Variants in TPRG1 observed in about 807,000 individuals in gnomAD.
TPRG1 encodes the protein tumor protein p63-regulated gene 1 protein.
Under a neutral mutation model 29.3 loss-of-function variants are expected in TPRG1, and 29 were observed. The observed-to-expected ratio is 0.99, with a 90% CI of 0.74 to 1.35. The LOEUF (loss-of-function observed/expected upper bound fraction) is 1.35. Among genes scored for constraint, TPRG1 ranks in the 40% most tolerant of loss-of-function variants. TPRG1 has a pLI of 0.00. For synonymous variants in TPRG1, 130 were observed against 116.8 expected (o/e 1.11, Z -0.73); for missense variants, 327 against 335.0 (o/e 0.98, Z 0.19).
chr3:189,165,102 A>G (rs1328869449), intron 5 of TPRG1, among the ~76,000 whole-genome samples: 1 of 152,198 alleles, frequency 6.6e-6, no homozygotes, highest in Non-Finnish European at 1.5e-5. Context: ...GCAAGAGTAC[A>G]GATATCCAGC....
chr3:189,119,276 T>C (rs941860516), intron 1 of TPRG1, among the ~76,000 whole-genome samples: 1 of 152,210 alleles, frequency 6.6e-6, no homozygotes, highest in Non-Finnish European at 1.5e-5. Flanking sequence ...AGAATGGGTG[T>C]ATTTACCCAA....
chr3:189,070,010 G>A (rs191868409), intron 4 of TPRG1, among the ~76,000 whole-genome samples: 1 of 152,264 alleles, frequency 6.6e-6, no homozygotes, highest in East Asian at 1.9e-4. Context: ...GAACCTGGGA[G>A]GTGGAGGTTG....
Position 189,309,797 on chromosome 3 carries a change from T to C in TPRG1, c.480-589T>C, listed in dbSNP as rs73058119. On this transcript the variant is annotated intron_variant, in intron 4 of 5. Coordinates refer to ENST00000345063, the MANE Select transcript of TPRG1 (RefSeq NM_198485.4). ...TAACAGGAGGGGCAGGCACAGTCTT[T>C]CTACAAGCTTTGACATGTTTGTTGC... is the stretch of plus-strand genomic sequence containing the variant. 970 of 152,390 alleles carry C rather than the reference T, an allele frequency of 6.4e-3. 14 individuals are homozygous for C. Among genetic ancestry groups the C allele is most frequent in the African/African-American group, 0.023 (945 of 41,552 alleles). The allele number at this position is 152,390 out of a possible 1,614,324, so 9.4% of individuals were successfully genotyped here. A position where few individuals can be genotyped will look rare whatever the true frequency, so the allele number is the denominator to read the frequency against.
At chr3:189,146,469 ATGT>A (rs1725278809) in intron 3 of TPRG1, among the ~76,000 whole-genome samples, 1 of 152,186 alleles carries the variant, frequency 6.6e-6, no homozygotes, top group Admixed American at 6.5e-5. Context: ...AAAAAAACAA[ATGT>A]TGTTGGGAGT....
chr3:189,076,382 T>G (rs901744231), intron 4 of TPRG1, among the ~76,000 whole-genome samples: 1 of 152,200 alleles, frequency 6.6e-6, no homozygotes, highest in African/African-American at 2.4e-5. Context: ...TCTAAAACAT[T>G]AAGTGGTTTG....
At chr3:189,003,913 T>G (rs1181874464) in intron 2 of TPRG1, among the ~76,000 whole-genome samples, 5 of 152,124 alleles carry the variant, frequency 3.3e-5, no homozygotes, top group African/African-American at 1.2e-4. Flanking sequence ...TTGGGGGTAG[T>G]GGGGGATTTA....
intron 4 of TPRG1, among the ~76,000 whole-genome samples, chr3:189,298,390 T>G (rs1357385710): frequency 6.6e-6 from 1 of 152,198 alleles, no homozygotes; most frequent in African/African-American, 2.4e-5. Context: ...TAGGTAACAG[T>G]CTTGCACTAG....
intron 1 of TPRG1, among the ~76,000 whole-genome samples, chr3:189,104,333 C>A (rs1719561596): frequency 6.6e-6 from 1 of 152,024 alleles, no homozygotes; most frequent in Admixed American, 6.6e-5. Flanking sequence ...GTAAATGCAA[C>A]CTAAATATCC....
At chr3:189,108,270 G>T (rs1416235256) in intron 1 of TPRG1, among the ~76,000 whole-genome samples, 1 of 152,140 alleles carries the variant, frequency 6.6e-6, no homozygotes, top group Non-Finnish European at 1.5e-5. Context: ...AGCAAGGCAG[G>T]CTGACTTCAT....
intron 1 of TPRG1, among the ~76,000 whole-genome samples, chr3:189,176,963 A>C (rs1400046904): frequency 6.6e-6 from 1 of 152,206 alleles, no homozygotes; most frequent in Non-Finnish European, 1.5e-5. Flanking sequence ...GGTCTGACTT[A>C]TGTTTGAAAG....
At chr3:189,085,861 A>C (rs1172109125) in intron 4 of TPRG1, among the ~76,000 whole-genome samples, 1 of 152,194 alleles carries the variant, frequency 6.6e-6, no homozygotes, top group Non-Finnish European at 1.5e-5. Flanking sequence ...GCTTTCAATA[A>C]AATAAGAGTC....
rs184106245 is a variant in TPRG1, at chr3:189,287,518, C to T, written c.480-22868C>T. 8.6e-3 allele frequency among the ~76,000 whole-genome samples: 1,301 copies of T among 152,000 alleles called. 26 individuals carry two copies. The highest frequency in any genetic ancestry group is 0.03 in the African/African-American group (1,245 of 41,470). On this transcript the variant is annotated intron_variant, in intron 4 of 5. Coordinates refer to ENST00000345063, the MANE Select transcript of TPRG1 (RefSeq NM_198485.4). ...GTTCATGCCATTCTCCTGCCTCAGCCTCCCGAGTAGCTGGGACTACAGGCG... is the reference window on the plus strand; with the variant it reads ...GTTCATGCCATTCTCCTGCCTCAGCTTCCCGAGTAGCTGGGACTACAGGCG...
chr3:189,067,952 G>T (rs1716561192), intron 4 of TPRG1, among the ~76,000 whole-genome samples: 1 of 152,060 alleles, frequency 6.6e-6, no homozygotes, highest in African/African-American at 2.4e-5. Context: ...AATATAAAAG[G>T]AGCTCAAACA....
chr3:189,207,550 C>T lies in TPRG1; in HGVS notation c.166C>T (p.Pro56Ser). Residue 56 changes from proline to serine, a missense_variant, in exon 2 of 6, where the codon CCT becomes TCT. By Grantham distance (74) the Pro-to-Ser change is moderately conservative. Coordinates refer to ENST00000345063, the MANE Select transcript of TPRG1 (RefSeq NM_198485.4). ...GACCGAATCAACTCTTTACCCCAAT[C>T]CTTATCATCAGCCTTATATCTCACG... ...SVTESTLYPNPYHQPYISRKY... is the reference protein window; with the variant it reads ...SVTESTLYPNSYHQPYISRKY... 6.2e-7 allele frequency: 1 copy of T among 1,614,026 alleles called. No individual in the cohort carries two copies. Among genetic ancestry groups the T allele is most frequent in the Non-Finnish European group, 8.5e-7 (1 of 1,179,928 alleles).
chr3:189,106,685 G>A (rs1042020874), intron 1 of TPRG1, among the ~76,000 whole-genome samples: 4 of 152,098 alleles, frequency 2.6e-5, no homozygotes, highest in African/African-American at 9.7e-5. Flanking sequence ...TGTAATAAAT[G>A]TAATAAATGA....
intron 3 of TPRG1, among the ~76,000 whole-genome samples, chr3:189,138,880 G>A (rs998325104): frequency 1.3e-5 from 2 of 152,180 alleles, no homozygotes; most frequent in Non-Finnish European, 2.9e-5. Context: ...AAGGGGTCAG[G>A]GAGGGCTCTA....
At chr3:189,282,466 G>A (rs1006149313) in intron 4 of TPRG1, among the ~76,000 whole-genome samples, 1 of 152,008 alleles carries the variant, frequency 6.6e-6, no homozygotes, top group African/African-American at 2.4e-5. Flanking sequence ...TGTATTTTGT[G>A]CCTCATTTTT....
intron 5 of TPRG1, among the ~76,000 whole-genome samples, chr3:189,312,123 T>C (rs368580440): frequency 0.037 from 1,577 of 42,424 alleles, 55 homozygotes; most frequent in Non-Finnish European, 0.042. Context: ...CTTTGTTTCT[T>C]TCTTTCTTTC....
At chr3:189,197,358 G>A (rs1040634393) in intron 1 of TPRG1, among the ~76,000 whole-genome samples, 3 of 152,134 alleles carry the variant, frequency 2.0e-5, no homozygotes, top group Non-Finnish European at 4.4e-5. Context: ...TTAGCCTTGC[G>A]TGTTGCTCTA....
Sources: gnomAD v4.1 joint callset for allele counts (sites outside exome capture counted in the v4.1 genomes callset) on GRCh38, gnomAD v4.1.1 for gene constraint, MANE v1.5 for transcripts, NCBI Gene and HGNC (gene_info 2026-07-23, HGNC 2026-07-21) for gene names.